Variants in HPS5 observed in about 807,000 individuals in gnomAD.
The protein encoded by HPS5 is BLOC-2 complex member HPS5.
A neutral mutation model predicts 128.0 loss-of-function variants in HPS5; 83 were observed. The observed-to-expected ratio is 0.65, with a 90% confidence interval of 0.54 to 0.78. The LOEUF is 0.78. Among genes scored for constraint, HPS5 ranks in the 30% least tolerant of loss-of-function variants. HPS5 has a pLI of 0.00. For synonymous variants in HPS5, 475 were observed against 470.2 expected, an observed-to-expected ratio of 1.01 and a Z score of -0.13; for missense variants, 1,281 against 1,326.2, an observed-to-expected ratio of 0.97 and a Z score of 0.53.
At chr11:18,281,667 G>A (rs994415731) in intron 22 of HPS5, among the ~76,000 whole-genome samples, 1 of 152,026 alleles carries the variant, frequency 6.6e-6, no homozygotes, top group African/African-American at 2.4e-5. Context: ...GCCTCACAAA[G>A]TGCAAGGATT....
At chr11:18,311,616 T>G (rs934697577) in intron 3 of HPS5, 165 bp from the exon 4 acceptor site, 43 of 553,670 alleles carry the variant, frequency 7.8e-5, no homozygotes, top group African/African-American at 6.9e-4. Flanking sequence ...GTTCAAGCGA[T>G]TCTCCTGCCT....
Position 18,286,910 on chromosome 11 carries a change from G to GA in HPS5, c.2718-201dup, listed in dbSNP as rs371993799. The GA allele has an allele frequency of 0.43, 207,520 of 484,630 alleles. 21,314 individuals carry two copies. Among genetic ancestry groups the GA allele is most frequent in the East Asian group, 0.47 (13,421 of 28,340 alleles). 30.0% of individuals were successfully genotyped at this position (484,630 alleles called of 1,614,324 possible). The stretch of plus-strand genomic sequence containing the variant: ...AAGAAAATGTCAAAGGGCCAAAAAA[G>GA]AAAAAAAAAAAGGGAGAGAAAGAGA... On this transcript the variant is annotated intron_variant, in intron 18 of 22. Coordinates refer to ENST00000349215, the MANE Select transcript of HPS5 (RefSeq NM_181507.2).
At chr11:18,301,776 A>G (rs557947752) in intron 8 of HPS5, among the ~76,000 whole-genome samples, 2 of 152,174 alleles carry the variant, frequency 1.3e-5, no homozygotes, top group Non-Finnish European at 2.9e-5. Context: ...CAAGGTAGAT[A>G]TACTATTCTT....
Position 18,279,682 on chromosome 11 carries a change from T to C in HPS5, c.*200A>G. The C allele has an allele frequency of 1.6e-6, 1 of 610,502 alleles. No individual in the cohort carries two copies. The highest frequency in any genetic ancestry group is 2.9e-6 in the Non-Finnish European group (1 of 341,136). 37.8% of individuals were successfully genotyped at this position (610,502 alleles called of 1,614,324 possible). ...GGTTAAGAAATGCTGAGTACAACTT[T>C]GGTTAAGAAACACTGAGGTCATGGA... On this transcript the variant is annotated 3_prime_UTR_variant, in exon 23 of 23. Transcript: ENST00000349215.
chr11:18,280,632 A>G (rs1858774445), intron 22 of HPS5: 1 of 691,508 alleles, frequency 1.4e-6, no homozygotes, highest in South Asian at 1.5e-5. Context: ...AAGTGGAAGC[A>G]ATTCAAGTGT....
chr11:18,304,214 C>T (rs1862075917), intron 8 of HPS5, among the ~76,000 whole-genome samples: 1 of 149,328 alleles, frequency 6.7e-6, no homozygotes, highest in Non-Finnish European at 1.5e-5. Flanking sequence ...GTCTATAATT[C>T]ACTTTTTTTT....
chr11:18,306,742 T>C (rs969381924), intron 6 of HPS5, among the ~76,000 whole-genome samples: 3 of 152,218 alleles, frequency 2.0e-5, no homozygotes, highest in Admixed American at 6.5e-5. Context: ...AAGCTACTAA[T>C]CTAGTTCTCC....
At position 18,282,206 on chromosome 11, in the gene HPS5, T is replaced by C; in HGVS notation, c.3073A>G (p.Thr1025Ala). ...MEGDNGWIPE[T>A]VEEWKLLLHL... The stretch of plus-strand genomic sequence containing the variant: ...AGGAGAAGCTTCCATTCCTCCACGG[T>C]CTCTGGGATCCAACCTAAACACACA... Residue 1025 changes from threonine to alanine, a missense_variant, in exon 22 of 23, where the codon ACC becomes GCC. Coordinates refer to ENST00000349215, the MANE Select transcript of HPS5 (RefSeq NM_181507.2). 1 of 1,614,100 alleles carries C rather than the reference T, an allele frequency of 6.2e-7. No homozygotes were observed. Among genetic ancestry groups the C allele is most frequent in the Non-Finnish European group, 8.5e-7 (1 of 1,180,020 alleles).
chr11:18,308,881 A>G (rs1170149662), intron 6 of HPS5, 65 bp downstream of exon 6: 35 of 1,520,656 alleles, frequency 2.3e-5, no homozygotes, highest in Non-Finnish European at 3.0e-5. Flanking sequence ...TGGGGTAGAT[A>G]ACTTCTAAGT....
At chr11:18,287,425 T>C in intron 18 of HPS5, 110 bp downstream of exon 18, 1 of 1,196,672 alleles carries the variant, frequency 8.4e-7, no homozygotes, top group Non-Finnish European at 1.2e-6. Flanking sequence ...CCATAGTATG[T>C]GCCTCAACCC....
At chr11:18,294,541 G>A (rs143487994) in intron 14 of HPS5, among the ~76,000 whole-genome samples, 1 of 152,244 alleles carries the variant, frequency 6.6e-6, no homozygotes, top group African/African-American at 2.4e-5. Context: ...AAGAGATTAT[G>A]GGGGAAGGAG....
chr11:18,283,943 G>A (rs769139172), intron 20 of HPS5, 42 bp from the exon 21 acceptor site: 1 of 1,360,474 alleles, frequency 7.4e-7, no homozygotes, highest in South Asian at 1.2e-5. Flanking sequence ...AAAAGGCCAT[G>A]AATTTATCTG....
rs776239715 is a variant in HPS5 at position 18,310,892 on chromosome 11, C to T, written c.326G>A (p.Arg109His). Residue 109 changes from arginine to histidine, a missense_variant, in exon 5 of 23, where the codon CGT becomes CAT. By Grantham distance (29) the Arg-to-His change is conservative. Coordinates refer to ENST00000349215, the MANE Select transcript of HPS5 (RefSeq NM_181507.2). Reference protein sequence around the residue: ...VVVWELNQERRGKPEQMYVSS... With the variant: ...VVVWELNQERHGKPEQMYVSS... The stretch of plus-strand genomic sequence containing the variant: ...CACATACATTTGTTCCGGTTTCCCA[C>T]GACGCTCTTGATTTAATTCCCAAAC... The T allele has an allele frequency of 1.3e-5, 21 of 1,614,024 alleles. No homozygotes were observed. The highest frequency in any genetic ancestry group is 4.5e-5 in the East Asian group (2 of 44,890).
At chr11:18,319,808 A>C (rs1324374276) in intron 1 of HPS5, among the ~76,000 whole-genome samples, 1 of 152,304 alleles carries the variant, frequency 6.6e-6, no homozygotes, top group African/African-American at 2.4e-5. Flanking sequence ...AAAAGGAGAA[A>C]ACCTCTCTTG....
intron 16 of HPS5, among the ~76,000 whole-genome samples, chr11:18,288,842 T>TG (rs890663162): frequency 3.3e-5 from 5 of 151,760 alleles, no homozygotes; most frequent in Non-Finnish European, 2.9e-5. Context: ...GACAGGGTCT[T>TG]GCTACGTTGC....
chr11:18,296,471 A>T lies in HPS5; in HGVS notation c.1510+327T>A, dbSNP rs1019077341. ...CCCCAAAAACTGCAGTAATTTTTCA[A>T]TCCTGATGAAAAATAATTTGGTTAG... is the stretch of plus-strand genomic sequence containing the variant. On this transcript the variant is annotated intron_variant, in intron 12 of 22. Coordinates refer to ENST00000349215, the MANE Select transcript of HPS5 (RefSeq NM_181507.2). 7.0e-6 allele frequency: 4 copies of T among 569,882 alleles called. No individual in the cohort carries two copies. In the African/African-American group the frequency reaches 7.5e-5, roughly 11 times the overall value. The allele number at this position is 569,882 out of a possible 1,614,324, so 35.3% of individuals were successfully genotyped here.
intron 8 of HPS5, 43 bp from the exon 9 acceptor site, chr11:18,300,959 C>T: frequency 2.6e-6 from 3 of 1,165,552 alleles, no homozygotes; most frequent in Non-Finnish European, 3.9e-6. Flanking sequence ...TGCTAGGATA[C>T]AAAAGTTTAT....
intron 6 of HPS5, among the ~76,000 whole-genome samples, chr11:18,307,927 T>G (rs543307949): frequency 6.6e-6 from 1 of 152,216 alleles, no homozygotes; most frequent in South Asian, 2.1e-4. Context: ...GTCATCCAAC[T>G]TTAGTTATGA....
intron 22 of HPS5, among the ~76,000 whole-genome samples, chr11:18,281,078 A>C (rs1858836516): frequency 6.6e-6 from 1 of 150,752 alleles, no homozygotes; most frequent in African/African-American, 2.4e-5. Context: ...ATCTGGTACC[A>C]GTAATTTTTT....
Sources: gnomAD v4.1 joint callset for allele counts (sites outside exome capture counted in the v4.1 genomes callset) on GRCh38, gnomAD v4.1.1 for gene constraint, MANE v1.5 for transcripts, NCBI Gene and HGNC (gene_info 2026-07-23, HGNC 2026-07-21) for gene names.